Variants in KCNMA1 observed in about 807,000 individuals in gnomAD.
KCNMA1 encodes the protein potassium calcium-activated channel subfamily M alpha 1.
Under a neutral mutation model 140.0 loss-of-function variants are expected in KCNMA1, and 29 were observed. That is an observed-to-expected ratio of 0.21 (90% CI 0.15 to 0.28). KCNMA1 has a LOEUF of 0.28. Among genes scored for constraint, KCNMA1 ranks in the 10% least tolerant of loss-of-function variants. The probability of loss-of-function intolerance (pLI) is 1.00; values close to 1 mark genes in which losing one functional copy is unlikely to be tolerated. For synonymous variants in KCNMA1, 612 were observed against 611.9 expected (o/e 1.00, Z 0.00); for missense variants, 880 against 1,602.2 (o/e 0.55, Z 7.70).
chr10:77,041,654 C>G (rs920235319), intron 14 of KCNMA1, among the ~76,000 whole-genome samples: 2 of 152,196 alleles, frequency 1.3e-5, no homozygotes, highest in African/African-American at 4.8e-5. Context: ...GAACGTTGAG[C>G]CGCTATGGGA....
At chr10:77,485,187 C>T (rs564045509) in intron 1 of KCNMA1, among the ~76,000 whole-genome samples, 2 of 152,318 alleles carry the variant, frequency 1.3e-5, no homozygotes, top group African/African-American at 2.4e-5. Flanking sequence ...TCCACTCCCA[C>T]GTGTGTATTT....
chr10:77,240,721 A>G (rs955670035), intron 3 of KCNMA1, among the ~76,000 whole-genome samples: 3 of 152,246 alleles, frequency 2.0e-5, no homozygotes, highest in Non-Finnish European at 2.9e-5. Context: ...ATTTCTGCAT[A>G]GGAACAATCA....
chr10:77,205,205 A>T (rs2043689990), intron 3 of KCNMA1, among the ~76,000 whole-genome samples: 1 of 152,194 alleles, frequency 6.6e-6, no homozygotes, highest in African/African-American at 2.4e-5. Flanking sequence ...TTGAAGCCCC[A>T]GTTCGTTCTT....
rs149647577 is a variant in KCNMA1 at position 77,073,205 on chromosome 10, G to A, written c.1641C>T (p.Asp547=). 7.4e-5 allele frequency: 119 copies of A among 1,614,176 alleles called. No homozygotes were observed. The African/African-American group carries it at 1.0e-3, about 14-fold the overall frequency. The part of the protein sequence containing the change: ...IPSWNWKEGD[D]AICLAELKLG... Reference sequence around the variant, plus strand: ...ACTTCAACTCTGCGAGGCAGATTGCGTCATCACCTTCTTTCCAATTCCAGC... The same window carrying A: ...ACTTCAACTCTGCGAGGCAGATTGCATCATCACCTTCTTTCCAATTCCAGC... The change falls in exon 14 of 28, where the codon GAC becomes GAT. Residue 547 remains aspartate (D), a synonymous_variant. Transcript: ENST00000286628.
chr10:77,481,690 G>C (rs1428172337), intron 1 of KCNMA1, among the ~76,000 whole-genome samples: 3 of 151,182 alleles, frequency 2.0e-5, no homozygotes, highest in African/African-American at 7.3e-5. Flanking sequence ...CAGGAGAATG[G>C]CGTGAACCCT....
chr10:76,915,527 A>G (rs2052442875), intron 23 of KCNMA1, among the ~76,000 whole-genome samples: 1 of 152,186 alleles, frequency 6.6e-6, no homozygotes, highest in Admixed American at 6.5e-5. Flanking sequence ...AGGCTAGACA[A>G]CAGCCCTGGA....
chr10:77,066,693 G>T (rs1317635965), intron 14 of KCNMA1, among the ~76,000 whole-genome samples: 1 of 152,200 alleles, frequency 6.6e-6, no homozygotes, highest in Non-Finnish European at 1.5e-5. Context: ...CTCTCCACTG[G>T]TGAGGAATAT....
intron 2 of KCNMA1, among the ~76,000 whole-genome samples, chr10:77,308,714 G>C (rs1389921385): frequency 6.6e-6 from 1 of 152,176 alleles, no homozygotes; most frequent in African/African-American, 2.4e-5. Flanking sequence ...TGCAGATAAT[G>C]TGTGTCCACC....
intron 1 of KCNMA1, among the ~76,000 whole-genome samples, chr10:77,473,713 G>A (rs1438259571): frequency 1.3e-5 from 2 of 152,142 alleles, no homozygotes; most frequent in Non-Finnish European, 2.9e-5. Context: ...CCCACCTTGA[G>A]AATCCCTGAC....
At chr10:77,536,844 T>C (rs752918698) in intron 1 of KCNMA1, among the ~76,000 whole-genome samples, 1 of 152,170 alleles carries the variant, frequency 6.6e-6, no homozygotes, top group Non-Finnish European at 1.5e-5. Flanking sequence ...TCCACACCTT[T>C]CTCTCAACAG....
chr10:77,580,729 C>A (rs1033123227), intron 1 of KCNMA1, among the ~76,000 whole-genome samples: 2 of 152,208 alleles, frequency 1.3e-5, no homozygotes, highest in South Asian at 2.1e-4. Flanking sequence ...AGGGCAGAGA[C>A]CAAAGTCCAG....
chr10:77,459,255 C>A (rs542570802), intron 1 of KCNMA1, among the ~76,000 whole-genome samples: 1 of 152,356 alleles, frequency 6.6e-6, no homozygotes, highest in African/African-American at 2.4e-5. Flanking sequence ...GTTGAAGCAC[C>A]TCTGGATGCA....
chr10:77,428,354 G>T (rs986452529), intron 1 of KCNMA1, among the ~76,000 whole-genome samples: 1 of 152,122 alleles, frequency 6.6e-6, no homozygotes, highest in African/African-American at 2.4e-5. Flanking sequence ...AAAATAACGA[G>T]GTCTCTGATG....
intron 1 of KCNMA1, among the ~76,000 whole-genome samples, chr10:77,496,596 C>CAA (rs201304328): frequency 0.1 from 6,544 of 62,548 alleles, 1,346 homozygotes; most frequent in Non-Finnish European, 0.19. Flanking sequence ...GACACTGTCT[C>CAA]AAAAAAAAAA....
At chr10:77,251,154 G>A in intron 3 of KCNMA1, 41 bp downstream of exon 3, 2 of 1,455,536 alleles carry the variant, frequency 1.4e-6, no homozygotes, top group African/African-American at 1.4e-5. Flanking sequence ...GCTCATGATT[G>A]TTTATGAAAC....
chr10:77,268,703 G>A (rs550360143), intron 2 of KCNMA1, among the ~76,000 whole-genome samples: 1 of 152,270 alleles, frequency 6.6e-6, no homozygotes, highest in East Asian at 1.9e-4. Flanking sequence ...GGGTTCGAAT[G>A]TGTCATATGC....
In KCNMA1 at chr10:77,086,159, T is replaced by C. The variant is rs547616301; in HGVS notation, c.1440+329A>G. ...GTTCAATATAGGAATTACTTGATTA[T>C]TATGTTGTATAAAGCTACTGGGTCC... is the stretch of plus-strand genomic sequence containing the variant. On this transcript the variant is annotated intron_variant, in intron 11 of 27. Transcript: ENST00000286628. 8.3e-4 allele frequency among the ~76,000 whole-genome samples: 126 copies of C among 152,326 alleles called. 1 individual carries two copies. Among genetic ancestry groups the C allele is most frequent in the Non-Finnish European group, 7.5e-4 (51 of 68,024 alleles).
At chr10:77,352,189 G>A (rs1322198833) in intron 2 of KCNMA1, among the ~76,000 whole-genome samples, 1 of 152,226 alleles carries the variant, frequency 6.6e-6, no homozygotes, top group East Asian at 1.9e-4. Context: ...GTTCTCTATA[G>A]AATGAAAAAT....
intron 1 of KCNMA1, among the ~76,000 whole-genome samples, chr10:77,544,498 C>T (rs562242778): frequency 4.6e-5 from 7 of 152,260 alleles, no homozygotes; most frequent in Middle Eastern, 6.8e-3. Flanking sequence ...TATGCCCCAT[C>T]CCACTGCAGG....
Sources: gnomAD v4.1 joint callset for allele counts (sites outside exome capture counted in the v4.1 genomes callset) on GRCh38, gnomAD v4.1.1 for gene constraint, MANE v1.5 for transcripts, NCBI Gene and HGNC (gene_info 2026-07-23, HGNC 2026-07-21) for gene names.